The following PTPRN2 variants were observed in gnomAD, a reference collection of about 807,000 sequenced individuals.
PTPRN2 encodes the protein receptor-type tyrosine-protein phosphatase N2.
In PTPRN2, 74 loss-of-function variants were observed where a neutral mutation model predicts 118.8. That is an observed-to-expected ratio of 0.62 (90% confidence interval 0.52 to 0.76). The LOEUF (loss-of-function observed/expected upper bound fraction) is 0.76, where lower values mean the gene tolerates loss of function less well. Among genes scored for constraint, PTPRN2 ranks in the 30% least tolerant of loss-of-function variants. The pLI, the probability that PTPRN2 is intolerant of heterozygous loss-of-function variation, is 0.00. For missense variants in PTPRN2, 1,481 were observed against 1,394.4 expected, an observed-to-expected ratio of 1.06 and a Z score of -0.99; for synonymous variants, 641 against 608.0, an observed-to-expected ratio of 1.05 and a Z score of -0.80.
intron 12 of PTPRN2, among the ~76,000 whole-genome samples, chr7:157,855,206 C>G (rs912159962): frequency 1.3e-5 from 2 of 149,744 alleles, no homozygotes; most frequent in African/African-American, 2.5e-5. Context: ...GGGGCCGGAT[C>G]GGGGAGGATG....
In PTPRN2 at chr7:158,456,371, A is replaced by G. The variant is rs370282393; in HGVS notation, c.163+33364T>C. ...TAACAGCATGGACGCCATTGGCCAC[A>G]GCCACCCATTGCTCTGCAGAGAACA... On this transcript the variant is annotated intron_variant, in intron 2 of 22. Transcript: ENST00000389418. 7.7e-3 allele frequency among the ~76,000 whole-genome samples: 1,036 copies of G among 133,878 alleles called. 19 individuals carry two copies. Among genetic ancestry groups the G allele is most frequent in the African/African-American group, 0.026 (889 of 33,932 alleles). 87.8% of individuals were successfully genotyped at this position (133,878 alleles called of 152,430 possible). A position where few individuals can be genotyped will look rare whatever the true frequency, so the allele number is the denominator to read the frequency against.
At chr7:157,757,994 GC>G (rs60339003) in intron 12 of PTPRN2, among the ~76,000 whole-genome samples, 10,754 of 152,312 alleles carry the variant, frequency 0.071, 1,060 homozygotes, top group African/African-American at 0.22. Context: ...CCACGGGGCA[GC>G]CCCAGGGCAA....
intron 12 of PTPRN2, among the ~76,000 whole-genome samples, chr7:157,714,361 T>G (rs746865427): frequency 5.3e-5 from 8 of 152,230 alleles, no homozygotes; most frequent in Non-Finnish European, 1.0e-4. Context: ...CAGGACAGTC[T>G]GAGTGGTCCT....
At position 158,546,610 on chromosome 7, in the gene PTPRN2, G is replaced by A. The variant is rs764067706; in HGVS notation, c.112+40948C>T. Reference sequence around the variant, plus strand: ...TTGCCCTCCCAGGCCACACCTTGACGTGGGAGGCCACGGGACAGACGCCAC... The same window carrying A: ...TTGCCCTCCCAGGCCACACCTTGACATGGGAGGCCACGGGACAGACGCCAC... On this transcript the variant is annotated intron_variant, in intron 1 of 22. Coordinates refer to ENST00000389418, the MANE Select transcript of PTPRN2 (RefSeq NM_002847.5). The surrounding 1 kb of genome is among the most constrained non-coding windows in gnomAD (Gnocchi z 5.0). Among the ~76,000 whole-genome samples the A allele has an allele frequency of 2.0e-5, 3 of 152,148 alleles. No homozygotes were observed. Among genetic ancestry groups the A allele is most frequent in the Non-Finnish European group, 4.4e-5 (3 of 68,012 alleles).
chr7:157,854,718 T>G (rs1809551194), intron 12 of PTPRN2: 1 of 153,830 alleles, frequency 6.5e-6, no homozygotes. Flanking sequence ...CCTGCCTCGC[T>G]GGATGGTGAA....
At chr7:158,056,306 T>C (rs73748005) in intron 11 of PTPRN2, among the ~76,000 whole-genome samples, 14,357 of 152,180 alleles carry the variant, frequency 0.094, 2,139 homozygotes, top group African/African-American at 0.32. Context: ...CGGGGCCTCA[T>C]CCACACAGAG....
chr7:158,193,003 T>C (rs577380198), intron 4 of PTPRN2, among the ~76,000 whole-genome samples: 3 of 152,270 alleles, frequency 2.0e-5, no homozygotes, highest in African/African-American at 4.8e-5. Flanking sequence ...AGGCCTTAGG[T>C]TGATGTACTT....
At chr7:157,811,939 G>C (rs571783365) in intron 12 of PTPRN2, among the ~76,000 whole-genome samples, 1 of 152,250 alleles carries the variant, frequency 6.6e-6, no homozygotes, top group South Asian at 2.1e-4. Flanking sequence ...CAGGTGATAG[G>C]GCGATGGGGT....
chr7:157,741,606 T>G (rs1195092122), intron 12 of PTPRN2, among the ~76,000 whole-genome samples: 3 of 152,168 alleles, frequency 2.0e-5, no homozygotes, highest in African/African-American at 7.2e-5. Context: ...GCAAGACCCG[T>G]CCACATGACC....
At chr7:157,557,327 CCCA>C (rs1049984171) in intron 21 of PTPRN2, among the ~76,000 whole-genome samples, 3 of 151,972 alleles carry the variant, frequency 2.0e-5, no homozygotes, top group Non-Finnish European at 2.9e-5. Flanking sequence ...CACAATACAC[CCCA>C]CATCACACAT....
intron 9 of PTPRN2, among the ~76,000 whole-genome samples, chr7:158,132,867 A>G (rs1466806364): frequency 6.6e-6 from 1 of 151,256 alleles, no homozygotes; most frequent in Non-Finnish European, 1.5e-5. Context: ...CCCAACATAC[A>G]CTCATATACA....
intron 3 of PTPRN2, among the ~76,000 whole-genome samples, chr7:158,310,681 G>A (rs1340752942): frequency 6.6e-6 from 1 of 151,958 alleles, no homozygotes; most frequent in Non-Finnish European, 1.5e-5. Context: ...GAGCCGGACA[G>A]AGCGCAAGTC....
rs35071475 is a variant in PTPRN2 at position 157,583,883 on chromosome 7, AACACACACACACACACACACACACAC to A, written c.2497-5769_2497-5744del. Among the ~76,000 whole-genome samples the A allele has an allele frequency of 8.7e-4, 117 of 134,262 alleles. No individual in the cohort carries two copies. The highest frequency in any genetic ancestry group is 3.1e-3 in the African/African-American group (109 of 35,638). 88.1% of individuals were successfully genotyped at this position (134,262 alleles called of 152,430 possible). ...GGTGACAGAGCGAGACTCTGTCTCA[AACACACACACACACACACACACACAC>A]ACACACACACACACACACACACACA... On this transcript the variant is annotated intron_variant, in intron 17 of 22. Coordinates refer to ENST00000389418, the MANE Select transcript of PTPRN2 (RefSeq NM_002847.5). The surrounding 1 kb of genome is among the most constrained non-coding windows in gnomAD (Gnocchi z 5.5).
At chr7:157,687,338 A>T (rs1797247858) in intron 12 of PTPRN2, among the ~76,000 whole-genome samples, 1 of 152,246 alleles carries the variant, frequency 6.6e-6, no homozygotes, top group South Asian at 2.1e-4. Flanking sequence ...ATATGTGTTG[A>T]CGGGTAGCCA....
In PTPRN2 at chr7:158,527,306, CG is replaced by C. The variant is rs1464601160; in HGVS notation, c.113-37522del. 1.4e-3 allele frequency among the ~76,000 whole-genome samples: 210 copies of C among 152,300 alleles called. 2 individuals carry two copies. The highest frequency in any genetic ancestry group is 4.7e-3 in the African/African-American group (197 of 41,552). ...CCTCCCTGACCCCGGCCATGCCCCC[CG>C]CCACCGGAGCCACTTCACTGCCTTC... On this transcript the variant is annotated intron_variant, in intron 1 of 22. Transcript: ENST00000389418.
At chr7:158,473,196 C>A (rs1356175061) in intron 2 of PTPRN2, among the ~76,000 whole-genome samples, 3 of 152,204 alleles carry the variant, frequency 2.0e-5, no homozygotes, top group African/African-American at 7.2e-5. Flanking sequence ...AGATCAATTT[C>A]CTATCTCCTC....
intron 2 of PTPRN2, among the ~76,000 whole-genome samples, chr7:158,444,058 T>G (rs1006734815): frequency 1.3e-5 from 2 of 152,190 alleles, no homozygotes; most frequent in Non-Finnish European, 2.9e-5. Context: ...TCCTGCCCTC[T>G]CCCACTGCAC....
intron 11 of PTPRN2, among the ~76,000 whole-genome samples, chr7:158,060,392 T>C (rs1295889767): frequency 2.0e-5 from 3 of 152,242 alleles, no homozygotes; most frequent in Admixed American, 2.0e-4. Context: ...CAGGTCTCAC[T>C]GTCTCGCCGT....
At chr7:158,418,501 G>A (rs563332979) in intron 2 of PTPRN2, among the ~76,000 whole-genome samples, 26 of 148,034 alleles carry the variant, frequency 1.8e-4, no homozygotes, top group South Asian at 6.6e-4. Flanking sequence ...CTAGCTCTCC[G>A]TGTCCCACTG....
Sources: gnomAD v4.1 joint callset for allele counts (sites outside exome capture counted in the v4.1 genomes callset) on GRCh38, gnomAD v4.1.1 for gene constraint, Gnocchi (gnomAD v3.1) non-coding constraint, MANE v1.5 for transcripts, NCBI Gene and HGNC (gene_info 2026-07-23, HGNC 2026-07-21) for gene names.